The following CNKSR2 variants were observed in gnomAD, a reference collection of about 807,000 sequenced individuals.
CNKSR2 encodes the protein CNK homolog protein 2.
A neutral mutation model predicts 84.4 loss-of-function variants in CNKSR2; 14 were observed. The ratio of observed to expected loss-of-function variants is 0.17; its 90% CI spans 0.11 to 0.26. The LOEUF is 0.26. Ranked by LOEUF, CNKSR2 falls within the 10% of genes least tolerant of loss-of-function variation. CNKSR2 has a pLI of 1.00. For missense variants in CNKSR2, 485 were observed against 771.2 expected, an observed-to-expected ratio of 0.63 and a Z score of 4.40; for synonymous variants, 275 against 277.9, an observed-to-expected ratio of 0.99 and a Z score of 0.10.
chrX:21,402,992 G>A lies in CNKSR2; in HGVS notation c.65-23505G>A, dbSNP rs368096409. Among the ~76,000 whole-genome samples, 12 of 111,183 alleles carry A rather than the reference G, an allele frequency of 1.1e-4. No individual in the cohort carries two copies. The East Asian group carries it at 2.5e-3, about 23-fold the overall frequency. ...TCAGATCATTGGGGAAAAGATGTTT[G>A]TCCATTGCCATTTGGAAAGAGAGAC... On this transcript the variant is annotated intron_variant, in intron 1 of 21. Coordinates refer to ENST00000379510, the MANE Select transcript of CNKSR2 (RefSeq NM_014927.5).
intron 11 of CNKSR2, among the ~76,000 whole-genome samples, chrX:21,554,657 A>G (rs2092122362): frequency 9.0e-6 from 1 of 111,677 alleles, no homozygotes; most frequent in Non-Finnish European, 1.9e-5. Flanking sequence ...TGCAAACAAC[A>G]TGATCTTGTT....
At chrX:21,526,786 ATTGTTGTTG>A (rs113629606) in intron 9 of CNKSR2, 72 bp from the exon 10 acceptor site, 106 of 764,089 alleles carry the variant, frequency 1.4e-4, no homozygotes, top group East Asian at 1.1e-3. Context: ...ACTATGTGTC[ATTGTTGTTG>A]TTGTTGTTGT....
At chrX:21,509,550 A>G (rs1002175476) in intron 8 of CNKSR2, among the ~76,000 whole-genome samples, 4 of 111,785 alleles carry the variant, frequency 3.6e-5, no homozygotes, top group Admixed American at 2.9e-4. Flanking sequence ...AGCTAGGGTT[A>G]AAAATCACTT....
At chrX:21,475,515 C>T (rs2091251463) in intron 5 of CNKSR2, among the ~76,000 whole-genome samples, 1 of 111,052 alleles carries the variant, frequency 9.0e-6, no homozygotes, top group Non-Finnish European at 1.9e-5. Context: ...GGAACCTTTT[C>T]ACTTTAGTAC....
chrX:21,645,520 T>C (rs924496932), intron 20 of CNKSR2: 1 of 112,063 alleles, frequency 8.9e-6, no homozygotes, highest in African/African-American at 3.2e-5. Flanking sequence ...GGTTCCTATA[T>C]ATGTCCTGTG....
chrX:21,401,114 A>G (rs2090185369), intron 1 of CNKSR2, among the ~76,000 whole-genome samples: 1 of 111,303 alleles, frequency 9.0e-6, no homozygotes, highest in Admixed American at 9.6e-5. Flanking sequence ...TTGTTAAAAT[A>G]GGATTTCTAT....
At chrX:21,457,689 A>G (rs1481037367) in intron 4 of CNKSR2, among the ~76,000 whole-genome samples, 1 of 111,636 alleles carries the variant, frequency 9.0e-6, no homozygotes, top group Non-Finnish European at 1.9e-5. Context: ...GAAAATTACT[A>G]CAGTTGTGGG....
At chrX:21,475,249 A>G (rs1307005020) in intron 5 of CNKSR2, among the ~76,000 whole-genome samples, 1 of 111,834 alleles carries the variant, frequency 8.9e-6, no homozygotes, top group Admixed American at 9.5e-5. Flanking sequence ...ACCCCCATTT[A>G]CCCTGATGTA....
At chrX:21,407,151 A>G (rs1296696150) in intron 1 of CNKSR2, among the ~76,000 whole-genome samples, 2 of 111,929 alleles carry the variant, frequency 1.8e-5, no homozygotes, top group Non-Finnish European at 3.8e-5. Flanking sequence ...TCTAAAATAA[A>G]TCTTAATGCT....
intron 20 of CNKSR2, chrX:21,642,891 T>A: frequency 1.4e-6 from 1 of 691,510 alleles, no homozygotes; most frequent in Non-Finnish European, 1.7e-6. Flanking sequence ...TCTAACCATT[T>A]TAATGTGTTT....
At chrX:21,414,016 C>A (rs1422085180) in intron 1 of CNKSR2, among the ~76,000 whole-genome samples, 1 of 110,988 alleles carries the variant, frequency 9.0e-6, no homozygotes, top group Non-Finnish European at 1.9e-5. Context: ...AGAATAGCCA[C>A]TGGGTCTTCT....
chrX:21,532,487 C>G (rs984272077), intron 11 of CNKSR2, among the ~76,000 whole-genome samples: 1 of 109,735 alleles, frequency 9.1e-6, no homozygotes, highest in African/African-American at 3.3e-5. Context: ...ATATAATTTT[C>G]TCGAGAAATT....
At chrX:21,632,069 C>T (rs2092650575) in intron 20 of CNKSR2, among the ~76,000 whole-genome samples, 1 of 112,282 alleles carries the variant, frequency 8.9e-6, no homozygotes, top group Non-Finnish European at 1.9e-5. Context: ...TAACTTATTA[C>T]TTTTATCCCA....
chrX:21,539,765 A>C (rs1007011113), intron 11 of CNKSR2, among the ~76,000 whole-genome samples: 1 of 111,225 alleles, frequency 9.0e-6, no homozygotes, highest in Admixed American at 9.6e-5. Flanking sequence ...ATCTTTGTCT[A>C]TAGTCACTCT....
At chrX:21,601,185 C>T in intron 17 of CNKSR2, 97 bp from the exon 18 acceptor site, 1 of 487,918 alleles carries the variant, frequency 2.0e-6, no homozygotes, top group Admixed American at 3.9e-5. Context: ...TAGGATTATT[C>T]CGTATATTCT....
chrX:21,528,150 CTT>C (rs753260681), intron 10 of CNKSR2, among the ~76,000 whole-genome samples: 1 of 110,803 alleles, frequency 9.0e-6, no homozygotes, highest in East Asian at 2.8e-4. Flanking sequence ...AATTTACAGT[CTT>C]GTGTTCAATT....
chrX:21,479,299 G>C (rs772602039), intron 5 of CNKSR2, among the ~76,000 whole-genome samples: 7 of 111,364 alleles, frequency 6.3e-5, no homozygotes, highest in Non-Finnish European at 9.4e-5. Context: ...CACACACACA[G>C]AGACATATAT....
chrX:21,642,976 T>C (rs181212761), intron 20 of CNKSR2: 67 of 231,895 alleles, frequency 2.9e-4, no homozygotes, highest in African/African-American at 1.8e-3. Flanking sequence ...GCTTTATTGG[T>C]ATTTAATATT....
intron 18 of CNKSR2, among the ~76,000 whole-genome samples, chrX:21,602,025 T>C (rs1328530746): frequency 8.9e-6 from 1 of 112,548 alleles, no homozygotes; most frequent in African/African-American, 3.2e-5. Context: ...TATTCGTAGT[T>C]GTGTCTTCAG....
Sources: allele counts gnomAD v4.1 joint callset (sites outside exome capture counted in the v4.1 genomes callset), GRCh38; gene constraint gnomAD v4.1.1; transcripts MANE v1.5; gene names NCBI Gene and HGNC (gene_info 2026-07-23, HGNC 2026-07-21).